The following ALCAM variants were observed in gnomAD, a reference collection of about 807,000 sequenced individuals.
ALCAM encodes the protein CD166 antigen.
A neutral mutation model predicts 70.9 loss-of-function variants in ALCAM; 30 were observed. That is an observed-to-expected ratio of 0.42 (90% CI 0.32 to 0.57). The LOEUF (loss-of-function observed/expected upper bound fraction) is 0.57. Among genes scored for constraint, ALCAM ranks in the 20% least tolerant of loss-of-function variants. ALCAM has a pLI of 0.11. For missense variants in ALCAM, 591 were observed against 695.1 expected, an observed-to-expected ratio of 0.85 and a Z score of 1.68; for synonymous variants, 249 against 242.5, an observed-to-expected ratio of 1.03 and a Z score of -0.25.
chr3:105,538,197 A>G (rs1466598690), intron 6 of ALCAM, among the ~76,000 whole-genome samples: 2 of 152,122 alleles, frequency 1.3e-5, no homozygotes, highest in African/African-American at 4.8e-5. Context: ...ATTTGATGGC[A>G]TTGCTTCAAG....
At chr3:105,487,122 G>A (rs1938451049) in intron 1 of ALCAM, among the ~76,000 whole-genome samples, 1 of 151,440 alleles carries the variant, frequency 6.6e-6, no homozygotes, top group Non-Finnish European at 1.5e-5. Flanking sequence ...TGCAAGAGTT[G>A]GAAATTTTTG....
chr3:105,540,174 TTAAG>T, intron 7 of ALCAM, 72 bp downstream of exon 7: 1 of 1,425,484 alleles, frequency 7.0e-7, no homozygotes, highest in Non-Finnish European at 9.5e-7. Flanking sequence ...CATGGATAGA[TTAAG>T]TGAGAAAAAA....
intron 11 of ALCAM, among the ~76,000 whole-genome samples, chr3:105,548,000 A>G (rs1182132700): frequency 1.3e-5 from 2 of 151,468 alleles, no homozygotes; most frequent in Non-Finnish European, 3.0e-5. Flanking sequence ...GAACACAGTT[A>G]CTGCTTATGA....
At position 105,547,240 on chromosome 3, in the gene ALCAM, T is replaced by C. The variant is rs751150392; in HGVS notation, c.1196T>C (p.Val399Ala). Residue 399 changes from valine (V) to alanine (A), a missense_variant, in exon 10 of 16, where the codon GTT becomes GCT. By Grantham distance (64) the Val-to-Ala change is moderately conservative (BLOSUM62 0). This residue lies in a region of ALCAM where 164 missense variants were observed against 244.7 expected (regional missense o/e 0.67). Transcript: ENST00000306107. Reference protein sequence around the residue: ...NYVCETALQEVEGLKKRESLT... With the variant: ...NYVCETALQEAEGLKKRESLT... ...GTCTGCGAAACTGCTCTGCAGGAGGTTGAAGGACTAAAGAAAAGAGAGTCA... is the reference window on the plus strand; with the variant it reads ...GTCTGCGAAACTGCTCTGCAGGAGGCTGAAGGACTAAAGAAAAGAGAGTCA... 1.2e-6 allele frequency: 2 copies of C among 1,606,060 alleles called. No homozygotes were observed. Among genetic ancestry groups the C allele is most frequent in the Non-Finnish European group, 1.7e-6 (2 of 1,176,340 alleles).
intron 14 of ALCAM, among the ~76,000 whole-genome samples, chr3:105,553,632 A>G (rs1448245243): frequency 6.6e-6 from 1 of 151,902 alleles, no homozygotes; most frequent in Non-Finnish European, 1.5e-5. Context: ...CAATATTCAA[A>G]TGGAGCTGCC....
At chr3:105,427,418 C>T (rs1421436842) in intron 1 of ALCAM, among the ~76,000 whole-genome samples, 1 of 151,868 alleles carries the variant, frequency 6.6e-6, no homozygotes, top group Non-Finnish European at 1.5e-5. Flanking sequence ...GAAAGGCAAA[C>T]TCATAGATTG....
chr3:105,450,206 G>A (rs1937394672), intron 1 of ALCAM, among the ~76,000 whole-genome samples: 1 of 152,088 alleles, frequency 6.6e-6, no homozygotes, highest in South Asian at 2.1e-4. Flanking sequence ...TTAAATCATG[G>A]GTTGAGTTCT....
At chr3:105,520,412 C>A (rs1939505015) in intron 2 of ALCAM, among the ~76,000 whole-genome samples, 1 of 152,100 alleles carries the variant, frequency 6.6e-6, no homozygotes. Flanking sequence ...AAAGATTCCA[C>A]CTTAAGTGTT....
chr3:105,445,853 A>G (rs1461715392), intron 1 of ALCAM, among the ~76,000 whole-genome samples: 1 of 152,226 alleles, frequency 6.6e-6, no homozygotes, highest in East Asian at 1.9e-4. Flanking sequence ...GCTGAAATGT[A>G]AGATCTGAAA....
rs1044529822 is a variant in ALCAM, at chr3:105,520,668, T to A, written c.174+501T>A. Among the ~76,000 whole-genome samples, 12 of 131,318 alleles carry A rather than the reference T, an allele frequency of 9.1e-5. No individual in the cohort carries two copies. The Admixed American group carries it at 1.0e-3, about 11-fold the overall frequency. The allele number at this position is 131,318 out of a possible 152,430, so 86.1% of individuals were successfully genotyped here. ...TATAGGTCTTTTTTATATTTAACGGTGTTGATTTTTTCCCATATTTCTTGC... is the reference window on the plus strand; with the variant it reads ...TATAGGTCTTTTTTATATTTAACGGAGTTGATTTTTTCCCATATTTCTTGC... On this transcript the variant is annotated intron_variant, in intron 2 of 15. Coordinates refer to ENST00000306107, the MANE Select transcript of ALCAM (RefSeq NM_001627.4).
intron 1 of ALCAM, among the ~76,000 whole-genome samples, chr3:105,380,602 C>T (rs1365291040): frequency 1.3e-5 from 2 of 151,416 alleles, no homozygotes; most frequent in African/African-American, 4.8e-5. Context: ...TACCTGAAGT[C>T]TAATTAAGGA....
intron 1 of ALCAM, among the ~76,000 whole-genome samples, chr3:105,398,329 A>G (rs1025047861): frequency 2.6e-5 from 4 of 152,064 alleles, no homozygotes; most frequent in Non-Finnish European, 5.9e-5. Context: ...CTTTCTGTAA[A>G]TACAATCTGG....
chr3:105,425,475 G>A (rs528537186), intron 1 of ALCAM, among the ~76,000 whole-genome samples: 2 of 151,770 alleles, frequency 1.3e-5, no homozygotes, highest in Non-Finnish European at 1.5e-5. Context: ...CCGGAGAAAC[G>A]ATTTTCATTC....
At chr3:105,510,826 G>T (rs1285861067) in intron 1 of ALCAM, among the ~76,000 whole-genome samples, 1 of 151,914 alleles carries the variant, frequency 6.6e-6, no homozygotes, top group Non-Finnish European at 1.5e-5. Context: ...TCTTCTGGGC[G>T]GTGCATTTAA....
chr3:105,416,344 G>A (rs1007379682), intron 1 of ALCAM, among the ~76,000 whole-genome samples: 2 of 151,882 alleles, frequency 1.3e-5, no homozygotes, highest in East Asian at 3.9e-4. Flanking sequence ...AGTTGGCATT[G>A]CTACATTCCA....
chr3:105,419,929 A>G (rs116688574), intron 1 of ALCAM, among the ~76,000 whole-genome samples: 1 of 151,806 alleles, frequency 6.6e-6, no homozygotes, highest in African/African-American at 2.4e-5. Flanking sequence ...TTGAGTGCCT[A>G]CTGTGTGCCT....
chr3:105,575,948 T>A lies in ALCAM; in HGVS notation c.*1497T>A, dbSNP rs1420592035. 2.0e-5 allele frequency: 3 copies of A among 152,248 alleles called. No individual in the cohort carries two copies. Among genetic ancestry groups the A allele is most frequent in the African/African-American group, 7.2e-5 (3 of 41,558 alleles). 9.4% of individuals were successfully genotyped at this position (152,248 alleles called of 1,614,324 possible). On this transcript the variant is annotated 3_prime_UTR_variant, in exon 16 of 16. Transcript: ENST00000306107. ...ATTGAAAATTAAAGTCAGATGAGAA[T>A]AGGAATAATACTTTGCCACTTCTGC...
At chr3:105,516,416 A>G (rs988800888) in intron 1 of ALCAM, among the ~76,000 whole-genome samples, 2 of 152,004 alleles carry the variant, frequency 1.3e-5, no homozygotes, top group African/African-American at 2.4e-5. Context: ...TATTACTGTA[A>G]CTAGCTTATA....
At chr3:105,523,087 C>G (rs997124245) in intron 2 of ALCAM, among the ~76,000 whole-genome samples, 5 of 132,200 alleles carry the variant, frequency 3.8e-5, no homozygotes, top group African/African-American at 1.4e-4. Flanking sequence ...TTGCAGTGAG[C>G]CGAAGTTGTG....
Sources: gnomAD v4.1 joint callset for allele counts (sites outside exome capture counted in the v4.1 genomes callset) on GRCh38, gnomAD v4.1.1 for gene constraint, gnomAD v4.1.1 regional missense constraint, MANE v1.5 for transcripts, NCBI Gene and HGNC (gene_info 2026-07-23, HGNC 2026-07-21) for gene names.